Variants in FAM153A observed in about 807,000 individuals in gnomAD.
FAM153A encodes family with sequence similarity 153 member A, also known as protein FAM153A.
FAM153A carries 12 observed loss-of-function variants against 48.1 expected under a neutral mutation model. The ratio of observed to expected loss-of-function variants is 0.25; its 90% CI spans 0.16 to 0.40. The LOEUF is 0.40. Ranked by LOEUF, FAM153A falls within the 10% of genes least tolerant of loss-of-function variation. FAM153A has a pLI of 1.00. For missense variants in FAM153A, 111 were observed against 345.8 expected (o/e 0.32, Z 5.38); for synonymous variants, 36 against 118.2 (o/e 0.30, Z 4.51).
chr5:177,698,868 G>A, the FAM153A span, among the ~76,000 whole-genome samples: 1 of 151,800 alleles, frequency 6.6e-6, no homozygotes, highest in African/African-American at 2.4e-5. Flanking sequence ...ATGTTGCCCA[G>A]GCTGGTCTTG....
intron 10 of FAM153A, among the ~76,000 whole-genome samples, chr5:177,737,781 A>G (rs962901994): frequency 2.0e-5 from 3 of 151,660 alleles, no homozygotes; most frequent in Non-Finnish European, 2.9e-5. Context: ...TGGCCCCCCA[A>G]ACTGCTGGAA....
At chr5:177,751,439 G>A (rs1047066577) in intron 1 of FAM153A, among the ~76,000 whole-genome samples, 1 of 137,704 alleles carries the variant, frequency 7.3e-6, no homozygotes, top group African/African-American at 2.8e-5. Flanking sequence ...TGGACCTAAA[G>A]CCTTAAAACG....
chr5:177,752,562 A>G lies in FAM153A; in HGVS notation c.31+614T>C, dbSNP rs1273813958. Among the ~76,000 whole-genome samples the G allele has an allele frequency of 2.4e-3, 270 of 114,404 alleles. 2 individuals carry two copies. The highest frequency in any genetic ancestry group is 8.9e-3 in the African/African-American group (249 of 27,950). 75.1% of individuals were successfully genotyped at this position (114,404 alleles called of 152,430 possible). A position where few individuals can be genotyped will look rare whatever the true frequency, so the allele number is the denominator to read the frequency against. On this transcript the variant is annotated intron_variant, in intron 1 of 20. Transcript: ENST00000614127. ...CTTGAACCTGGGATGCAGAGGTTGC[A>G]AAGAGCTGAGATTGTGCCACTGCAC...
At chr5:177,707,353 G>T (rs941864792), downstream of FAM153A, among the ~76,000 whole-genome samples, 2 of 151,784 alleles carry the variant, frequency 1.3e-5, no homozygotes, top group African/African-American at 4.9e-5. Context: ...AGACCAAAGA[G>T]AAACGTTGGA....
chr5:177,709,332 G>A (rs1379068845), downstream of FAM153A, among the ~76,000 whole-genome samples: 17 of 139,802 alleles, frequency 1.2e-4, no homozygotes, highest in Non-Finnish European at 2.0e-4. Context: ...CAGGAAAAAC[G>A]AGATATTTGC....
chr5:177,703,271 G>A (rs1460304031), downstream of FAM153A, among the ~76,000 whole-genome samples: 1 of 151,954 alleles, frequency 6.6e-6, no homozygotes, highest in African/African-American at 2.4e-5. Context: ...AGATTATTTT[G>A]GAGTTTTAGG....
At chr5:177,698,992 G>C in the FAM153A span, among the ~76,000 whole-genome samples, 1 of 151,482 alleles carries the variant, frequency 6.6e-6, no homozygotes, top group African/African-American at 2.4e-5. Context: ...TTAGAGGCAG[G>C]GTCTCACTAT....
chr5:177,737,001 G>T (rs539089983), intron 11 of FAM153A, 41 bp downstream of exon 13: 1 of 1,356,898 alleles, frequency 7.4e-7, no homozygotes, highest in African/African-American at 1.8e-5. Flanking sequence ...GAAACCGAGA[G>T]AAATAAAATT....
downstream of FAM153A, chr5:177,710,944 C>T (rs1360650309): frequency 6.6e-6 from 1 of 151,688 alleles, no homozygotes; most frequent in Non-Finnish European, 1.5e-5. Flanking sequence ...GCCACTGCTC[C>T]CAGCTGGGAT....
downstream of FAM153A, among the ~76,000 whole-genome samples, chr5:177,705,196 C>T (rs1354166754): frequency 1.3e-5 from 2 of 150,190 alleles, no homozygotes; most frequent in Non-Finnish European, 3.0e-5. Flanking sequence ...CTCATCTACT[C>T]GGGAGGCTGT....
At chr5:177,698,631 TAAAC>T in the FAM153A span, among the ~76,000 whole-genome samples, 1 of 151,974 alleles carries the variant, frequency 6.6e-6, no homozygotes, top group African/African-American at 2.4e-5. Flanking sequence ...GTTTAAAAAA[TAAAC>T]TGTCACTATT....
chr5:177,727,171 A>G (rs1307127435), intron 18 of FAM153A, among the ~76,000 whole-genome samples: 1 of 148,016 alleles, frequency 6.8e-6, no homozygotes, highest in Non-Finnish European at 1.5e-5. Flanking sequence ...TCATTCATGG[A>G]TGGGTACTTC....
downstream of FAM153A, among the ~76,000 whole-genome samples, chr5:177,703,636 G>A (rs1757644193): frequency 7.0e-6 from 1 of 142,722 alleles, no homozygotes; most frequent in South Asian, 2.4e-4. Flanking sequence ...CCATGGAGGC[G>A]GTTTCTCTGT....
At chr5:177,760,870 TG>T (rs1768249052) in intron 1 of FAM153A, among the ~76,000 whole-genome samples, 1 of 129,034 alleles carries the variant, frequency 7.7e-6, no homozygotes, top group Non-Finnish European at 1.6e-5. Flanking sequence ...TTATTCCTGA[TG>T]TCTTTACTGT....
At chr5:177,746,610 C>G (rs1433148397) in intron 4 of FAM153A, among the ~76,000 whole-genome samples, 1 of 150,758 alleles carries the variant, frequency 6.6e-6, no homozygotes, top group Non-Finnish European at 1.5e-5. Context: ...TAAAGATGAC[C>G]TCTACTTAGC....
chr5:177,753,491 G>A (rs558190894), upstream of FAM153A, among the ~76,000 whole-genome samples: 1 of 149,300 alleles, frequency 6.7e-6, no homozygotes, highest in East Asian at 2.0e-4. Flanking sequence ...ATTAAAGGAG[G>A]AAAAAGATTT....
chr5:177,698,343 A>G, the FAM153A span, among the ~76,000 whole-genome samples: 1 of 152,050 alleles, frequency 6.6e-6, no homozygotes, highest in African/African-American at 2.4e-5. Context: ...CATTCTTAAT[A>G]CCTCATTAAT....
At chr5:177,725,248 A>G (rs1762158558) in intron 18 of FAM153A, among the ~76,000 whole-genome samples, 1 of 140,104 alleles carries the variant, frequency 7.1e-6, no homozygotes, top group Admixed American at 7.1e-5. Context: ...TCTCCAAAAT[A>G]AGAACACTGG....
In FAM153A at chr5:177,731,487, G is replaced by C; in HGVS notation, c.862+82C>G. 6.5e-6 allele frequency: 3 copies of C among 463,476 alleles called. 1 individual carries two copies. The highest frequency in any genetic ancestry group is 1.1e-5 in the Non-Finnish European group (3 of 282,982). 28.7% of individuals were successfully genotyped at this position (463,476 alleles called of 1,614,324 possible). A position where few individuals can be genotyped will look rare whatever the true frequency, so the allele number is the denominator to read the frequency against. ...GAAAGCTCAAACCAGAGTGGCCCTT[G>C]AGCAAAAGCAGGTGAAGCAGCGCCA... On this transcript the variant is annotated intron_variant, in intron 16 of 20. Coordinates refer to ENST00000614127, the Ensembl canonical transcript of FAM153A.
Sources: gnomAD v4.1 joint callset for allele counts (sites outside exome capture counted in the v4.1 genomes callset) on GRCh38, gnomAD v4.1.1 for gene constraint, MANE v1.5 for transcripts, NCBI Gene and HGNC (gene_info 2026-07-23, HGNC 2026-07-21) for gene names.